The following MYT1L variants were observed in gnomAD, a reference collection of about 807,000 sequenced individuals.
The protein encoded by MYT1L is myelin transcription factor 1 like.
Under a neutral mutation model 126.7 loss-of-function variants are expected in MYT1L, and 12 were observed. The observed-to-expected ratio is 0.09, with a 90% confidence interval of 0.06 to 0.15. The LOEUF (loss-of-function observed/expected upper bound fraction) is 0.15, where lower values mean the gene tolerates loss of function less well. Among genes scored for constraint, MYT1L ranks in the 10% least tolerant of loss-of-function variants. The probability of loss-of-function intolerance (pLI) is 1.00; values close to 1 mark genes in which losing one functional copy is unlikely to be tolerated. For synonymous variants in MYT1L, 541 were observed against 604.2 expected, an observed-to-expected ratio of 0.90 and a Z score of 1.53; for missense variants, 979 against 1,585.2, an observed-to-expected ratio of 0.62 and a Z score of 6.49.
At chr2:2,078,391 A>G (rs1003292632) in intron 3 of MYT1L, among the ~76,000 whole-genome samples, 1 of 152,218 alleles carries the variant, frequency 6.6e-6, no homozygotes, top group African/African-American at 2.4e-5. Flanking sequence ...AAAGGCAGAG[A>G]ATAGATTTGA....
In MYT1L at chr2:2,204,492, C is replaced by G. The variant is rs1322981687; in HGVS notation, c.-420-31504G>C. Among the ~76,000 whole-genome samples the G allele has an allele frequency of 2.0e-5, 3 of 148,086 alleles. No homozygotes were observed. The South Asian group carries it at 6.4e-4, about 31-fold the overall frequency. ...TTCTCAAAAGAAGACATTTATGCAG[C>G]CAAAAAACACATGAAAAAATGCTCA... On this transcript the variant is annotated intron_variant, in intron 2 of 24. Transcript: ENST00000647738.
At chr2:2,100,282 A>G (rs961750058) in intron 3 of MYT1L, among the ~76,000 whole-genome samples, 2 of 152,184 alleles carry the variant, frequency 1.3e-5, no homozygotes, top group African/African-American at 2.4e-5. Flanking sequence ...TGGGATCATC[A>G]GATATAATCA....
intron 3 of MYT1L, among the ~76,000 whole-genome samples, chr2:2,070,117 C>G (rs191196855): frequency 6.6e-6 from 1 of 152,094 alleles, no homozygotes; most frequent in Non-Finnish European, 1.5e-5. Context: ...AAACAAAAAT[C>G]TAGCTGATCC....
intron 18 of MYT1L, among the ~76,000 whole-genome samples, chr2:1,860,646 C>T (rs2044472088): frequency 6.6e-6 from 1 of 152,178 alleles, no homozygotes. Context: ...GCGGTGGGAT[C>T]CGGGATGAGA....
chr2:2,246,524 T>C (rs1374595403), intron 2 of MYT1L, among the ~76,000 whole-genome samples: 1 of 152,202 alleles, frequency 6.6e-6, no homozygotes, highest in Non-Finnish European at 1.5e-5. Context: ...CAGGGGTCCC[T>C]GTACCTGTGA....
At chr2:2,111,848 C>T (rs1459606742) in intron 3 of MYT1L, among the ~76,000 whole-genome samples, 2 of 152,246 alleles carry the variant, frequency 1.3e-5, no homozygotes, top group Non-Finnish European at 2.9e-5. Context: ...GGGGTCCTGG[C>T]CTGTGCCCTG....
At chr2:2,103,291 C>T (rs1395317410) in intron 3 of MYT1L, among the ~76,000 whole-genome samples, 1 of 152,164 alleles carries the variant, frequency 6.6e-6, no homozygotes, top group Non-Finnish European at 1.5e-5. Context: ...TGAGGTTATC[C>T]CAGCCTTTGC....
In MYT1L at chr2:1,979,257, G is replaced by T; in HGVS notation, c.90-30C>A. 6.2e-7 allele frequency: 1 copy of T among 1,600,728 alleles called. No individual in the cohort carries two copies. Among genetic ancestry groups the T allele is most frequent in the Non-Finnish European group, 8.6e-7 (1 of 1,169,008 alleles). ...AACAGGAAAGAATGGATTACACGGTGCCGCAGGCAGGCAGGTGAGACGGAA... is the reference window on the plus strand; with the variant it reads ...AACAGGAAAGAATGGATTACACGGTTCCGCAGGCAGGCAGGTGAGACGGAA... On this transcript the variant is annotated intron_variant, in intron 7 of 24. Coordinates refer to ENST00000647738, the MANE Select transcript of MYT1L (RefSeq NM_001303052.2). This position sits in a 1 kb window ranked among gnomAD's most constrained non-coding sequence, Gnocchi z 4.0.
intron 1 of MYT1L, among the ~76,000 whole-genome samples, chr2:2,290,925 C>G (rs903407910): frequency 6.6e-6 from 1 of 152,094 alleles, no homozygotes; most frequent in African/African-American, 2.4e-5. Context: ...TAGTTCTTAG[C>G]TGTATGAACT....
chr2:2,039,725 T>C (rs2067314453), intron 4 of MYT1L, among the ~76,000 whole-genome samples: 1 of 152,200 alleles, frequency 6.6e-6, no homozygotes, highest in African/African-American at 2.4e-5. Context: ...GGCATAGAAG[T>C]TGAGCTCACA....
chr2:1,837,332 G>A (rs953403568), intron 21 of MYT1L, among the ~76,000 whole-genome samples: 1 of 152,198 alleles, frequency 6.6e-6, no homozygotes, highest in Admixed American at 6.5e-5. Flanking sequence ...GTGAGAGGAC[G>A]AAATTGTTTT....
intron 2 of MYT1L, among the ~76,000 whole-genome samples, chr2:2,202,749 G>A (rs1273421449): frequency 6.6e-6 from 1 of 152,034 alleles, no homozygotes; most frequent in African/African-American, 2.4e-5. Context: ...AGAAAAAGAG[G>A]GAATCCTCCC....
At chr2:1,850,877 T>C (rs2043183476) in intron 19 of MYT1L, among the ~76,000 whole-genome samples, 2 of 152,104 alleles carry the variant, frequency 1.3e-5, no homozygotes, top group South Asian at 4.2e-4. Flanking sequence ...CTTGTCCTCA[T>C]TAGGGTTTGA....
At chr2:2,203,311 A>G (rs1373274227) in intron 2 of MYT1L, among the ~76,000 whole-genome samples, 2 of 149,930 alleles carry the variant, frequency 1.3e-5, no homozygotes, top group East Asian at 3.9e-4. Context: ...GTATTCAATT[A>G]GGAAAAAGGA....
At chr2:1,803,982 C>G (rs1440188445) in intron 22 of MYT1L, among the ~76,000 whole-genome samples, 1 of 152,190 alleles carries the variant, frequency 6.6e-6, no homozygotes, top group African/African-American at 2.4e-5. Flanking sequence ...GAGAGGAGAG[C>G]TCTGGGTTGG....
chr2:1,938,993 C>T (rs7591822), intron 9 of MYT1L, among the ~76,000 whole-genome samples: 67,529 of 152,072 alleles, frequency 0.44, 16,423 homozygotes, highest in African/African-American at 0.64. Context: ...TTTCAGTTTA[C>T]TATAGAGGTG....
Position 1,790,216 on chromosome 2 carries a change from A to T in MYT1L, c.*1651T>A. Reference sequence around the variant, plus strand: ...CTGTAAGTCCTGTTCTGCTAAAAATATTTTTTTTTTATTTTTACAAAACCC... The same window carrying T: ...CTGTAAGTCCTGTTCTGCTAAAAATTTTTTTTTTTTATTTTTACAAAACCC... On this transcript the variant is annotated 3_prime_UTR_variant, in exon 25 of 25. Coordinates refer to ENST00000647738, the MANE Select transcript of MYT1L (RefSeq NM_001303052.2). The T allele has an allele frequency of 6.6e-6, 1 of 151,716 alleles. No homozygotes were observed. Among genetic ancestry groups the T allele is most frequent in the East Asian group, 1.9e-4 (1 of 5,160 alleles). The allele number at this position is 151,716 out of a possible 1,614,324, so 9.4% of individuals were successfully genotyped here. A position where few individuals can be genotyped will look rare whatever the true frequency, so the allele number is the denominator to read the frequency against.
At chr2:2,087,935 T>C (rs1421615) in intron 3 of MYT1L, among the ~76,000 whole-genome samples, 3,060 of 152,350 alleles carry the variant, frequency 0.02, 91 homozygotes, top group African/African-American at 0.066. Flanking sequence ...GCCTTGACCA[T>C]GCATCCACTT....
chr2:1,873,144 G>A (rs2046464380), intron 18 of MYT1L, among the ~76,000 whole-genome samples: 1 of 152,182 alleles, frequency 6.6e-6, no homozygotes, highest in Non-Finnish European at 1.5e-5. Context: ...AGCATGTTTT[G>A]AGACCCTCCC....
Sources: allele counts gnomAD v4.1 joint callset (sites outside exome capture counted in the v4.1 genomes callset), GRCh38; gene constraint gnomAD v4.1.1; non-coding constraint Gnocchi (gnomAD v3.1); transcripts MANE v1.5; gene names NCBI Gene and HGNC (gene_info 2026-07-23, HGNC 2026-07-21).